The following CYLD variants were observed in gnomAD, a reference collection of about 807,000 sequenced individuals.
CYLD encodes ubiquitin carboxyl-terminal hydrolase CYLD.
A neutral mutation model predicts 104.5 loss-of-function variants in CYLD; 26 were observed. The observed-to-expected ratio is 0.25, with a 90% CI of 0.18 to 0.35. The LOEUF (loss-of-function observed/expected upper bound fraction) is 0.35, where lower values mean the gene tolerates loss of function less well. Among genes scored for constraint, CYLD ranks in the 10% least tolerant of loss-of-function variants. CYLD has a pLI of 1.00. For missense variants in CYLD, 703 were observed against 1,136.1 expected (o/e 0.62, Z 5.48); for synonymous variants, 385 against 399.9 (o/e 0.96, Z 0.45).
intron 5 of CYLD, among the ~76,000 whole-genome samples, chr16:50,765,335 A>C (rs1968383428): frequency 6.6e-6 from 1 of 152,126 alleles, no homozygotes; most frequent in South Asian, 2.1e-4. Context: ...TGACTATTGA[A>C]ATTGTTTTAA....
chr16:50,767,051 T>A (rs1030211896), intron 5 of CYLD, among the ~76,000 whole-genome samples: 6 of 152,208 alleles, frequency 3.9e-5, no homozygotes, highest in African/African-American at 1.4e-4. Context: ...TATCACATGC[T>A]ACAGAGAAAT....
At chr16:50,780,765 C>T (rs564851549) in intron 9 of CYLD, among the ~76,000 whole-genome samples, 106 of 152,158 alleles carry the variant, frequency 7.0e-4, no homozygotes, top group African/African-American at 2.4e-3. Context: ...GTGATCTGCC[C>T]GCCTTGGCCT....
At chr16:50,762,487 A>T (rs903568933) in intron 5 of CYLD, among the ~76,000 whole-genome samples, 1 of 152,180 alleles carries the variant, frequency 6.6e-6, no homozygotes, top group Non-Finnish European at 1.5e-5. Context: ...CCTACACTAA[A>T]GCCTATCCAT....
At chr16:50,774,376 AG>A (rs1335099987) in intron 5 of CYLD, among the ~76,000 whole-genome samples, 1 of 152,202 alleles carries the variant, frequency 6.6e-6, no homozygotes, top group East Asian at 1.9e-4. Flanking sequence ...AACTATGGAT[AG>A]TACTGAACCC....
rs758161120 is a variant in CYLD at position 50,786,873 on chromosome 16, C to G, written c.1968C>G (p.Ala656=). The change falls in exon 13 of 19, where the codon GCC becomes GCG. Residue 656 remains alanine, a synonymous_variant. Coordinates refer to ENST00000427738, the MANE Select transcript of CYLD (RefSeq NM_001378743.1). ...AACTTAGATATGGATATGTGTGTGC[C>G]ACAAAAATTATGAAACTGAGGAAAA... ...NPLRIYGYVC[A]TKIMKLRKIL... 1 of 1,613,502 alleles carries G rather than the reference C, an allele frequency of 6.2e-7. No homozygotes were observed. Among genetic ancestry groups the G allele is most frequent in the South Asian group, 1.1e-5 (1 of 91,068 alleles).
intron 5 of CYLD, among the ~76,000 whole-genome samples, chr16:50,773,070 AC>A (rs1969320073): frequency 6.6e-6 from 1 of 152,218 alleles, no homozygotes; most frequent in African/African-American, 2.4e-5. Flanking sequence ...ACTCAAGTAA[AC>A]TGTATTTTCT....
Position 50,786,966 on chromosome 16 carries a change from T to C in CYLD, c.2041+20T>C, listed in dbSNP as rs769704102. 2 of 1,580,260 alleles carry C rather than the reference T, an allele frequency of 1.3e-6. No homozygotes were observed. The highest frequency in any genetic ancestry group is 8.7e-7 in the Non-Finnish European group (1 of 1,149,142). On this transcript the variant is annotated intron_variant, in intron 13 of 18. Transcript: ENST00000427738. ...AAAAAGGTGACCATCTTAACTTATA[T>C]GCGTTAAAAATAACTGAAGAGCATA... is the stretch of plus-strand genomic sequence containing the variant.
intron 11 of CYLD, among the ~76,000 whole-genome samples, chr16:50,782,767 A>T (rs1018390338): frequency 2.0e-5 from 3 of 152,194 alleles, no homozygotes; most frequent in African/African-American, 4.8e-5. Context: ...AAACAACATA[A>T]CTTGCAGTAA....
In CYLD at chr16:50,775,175, G is replaced by A. The variant is rs893728112; in HGVS notation, c.922+1G>A. ...TTTTGCTGACACACAGCTTTATCAG[G>A]TATGACTCCTAAGTGTCGTGTTGGA... is the stretch of plus-strand genomic sequence containing the variant. On this transcript the variant is annotated splice_donor_variant, in intron 6 of 18. Coordinates refer to ENST00000427738, the MANE Select transcript of CYLD (RefSeq NM_001378743.1). LOFTEE classifies it high-confidence loss of function. 1.9e-6 allele frequency: 3 copies of A among 1,596,944 alleles called. No individual in the cohort carries two copies. The highest frequency in any genetic ancestry group is 1.3e-5 in the African/African-American group (1 of 74,898).
At chr16:50,792,204 AC>A (rs1342124087) in intron 15 of CYLD, among the ~76,000 whole-genome samples, 1 of 152,152 alleles carries the variant, frequency 6.6e-6, no homozygotes, top group Admixed American at 6.5e-5. Context: ...TTTTGGTAAA[AC>A]CTTAACAGCC....
At chr16:50,776,407 G>A in intron 7 of CYLD, 130 bp downstream of exon 7, 1 of 736,022 alleles carries the variant, frequency 1.4e-6, no homozygotes, top group Non-Finnish European at 2.4e-6. Context: ...ATTTTTAGTA[G>A]TGAAACTAAA....
At chr16:50,784,011 C>CT (rs1443635201) in intron 11 of CYLD, 1 of 331,356 alleles carries the variant, frequency 3.0e-6, no homozygotes, top group Non-Finnish European at 5.8e-6. Context: ...TATTTGTAGT[C>CT]TCTCTATCAA....
intron 17 of CYLD, 129 bp downstream of exon 17, chr16:50,793,793 G>A: frequency 1.4e-6 from 1 of 738,162 alleles, no homozygotes; most frequent in South Asian, 1.6e-5. Context: ...CAATAAAATG[G>A]TATTGCTTTT....
At chr16:50,780,106 C>T (rs1370868726) in intron 9 of CYLD, 62 bp downstream of exon 9, 6 of 1,578,394 alleles carry the variant, frequency 3.8e-6, no homozygotes, top group Non-Finnish European at 5.2e-6. Context: ...GCAGATTTCG[C>T]CCTATTATAT....
chr16:50,756,747 G>A (rs1236387229), intron 5 of CYLD, among the ~76,000 whole-genome samples: 3 of 152,158 alleles, frequency 2.0e-5, no homozygotes, highest in Admixed American at 6.5e-5. Context: ...TGAGTTAGAC[G>A]ACTTAATACT....
Position 50,749,621 on chromosome 16 carries a change from A to G in CYLD, c.-78A>G. The G allele has an allele frequency of 6.8e-7, 1 of 1,467,374 alleles. No individual in the cohort carries two copies. The highest frequency in any genetic ancestry group is 9.4e-7 in the Non-Finnish European group (1 of 1,066,362). 90.9% of individuals were successfully genotyped at this position (1,467,374 alleles called of 1,614,324 possible). ...AAACATGCTTTGGGACTGCCACTGA[A>G]TTTATCTTTTGCGGTTTTATGACAA... On this transcript the variant is annotated 5_prime_UTR_variant, in exon 3 of 19. Transcript: ENST00000427738.
intron 5 of CYLD, among the ~76,000 whole-genome samples, chr16:50,766,109 A>G (rs1968487447): frequency 6.6e-6 from 1 of 152,248 alleles, no homozygotes; most frequent in African/African-American, 2.4e-5. Flanking sequence ...AGACTTTCAT[A>G]GCTGAGATGA....
At chr16:50,777,056 A>G (rs907144523) in intron 7 of CYLD, among the ~76,000 whole-genome samples, 2 of 152,192 alleles carry the variant, frequency 1.3e-5, no homozygotes, top group Non-Finnish European at 2.9e-5. Flanking sequence ...TTAAATAGAA[A>G]CAGACTAAAG....
intron 5 of CYLD, among the ~76,000 whole-genome samples, chr16:50,760,945 A>G (rs139880015): frequency 6.7e-4 from 102 of 152,316 alleles, no homozygotes; most frequent in African/African-American, 2.3e-3. Flanking sequence ...CTTTCCCATG[A>G]GAGTGTGTTA....
Sources: gnomAD v4.1 joint callset for allele counts (sites outside exome capture counted in the v4.1 genomes callset) on GRCh38, gnomAD v4.1.1 for gene constraint, MANE v1.5 for transcripts, NCBI Gene and HGNC (gene_info 2026-07-23, HGNC 2026-07-21) for gene names.